The following ELL variants were observed in gnomAD, a reference collection of about 807,000 sequenced individuals.
ELL encodes RNA polymerase II elongation factor ELL.
Under a neutral mutation model 64.0 loss-of-function variants are expected in ELL, and 18 were observed. The observed-to-expected ratio is 0.28, with a 90% CI of 0.19 to 0.42. ELL has a LOEUF of 0.42. ELL is among the 10% of genes least tolerant of loss of function. The pLI is 1.00. For synonymous variants in ELL, 399 were observed against 376.2 expected (o/e 1.06, Z -0.70); for missense variants, 797 against 870.4 (o/e 0.92, Z 1.06).
At chr19:18,495,879 G>T (rs1229887578) in intron 1 of ELL, among the ~76,000 whole-genome samples, 1 of 152,244 alleles carries the variant, frequency 6.6e-6, no homozygotes, top group Non-Finnish European at 1.5e-5. Context: ...GGCCTCTTCT[G>T]ATCTTACCTT....
chr19:18,500,506 A>C (rs1339933250), intron 1 of ELL, among the ~76,000 whole-genome samples: 1 of 152,218 alleles, frequency 6.6e-6, no homozygotes, highest in Non-Finnish European at 1.5e-5. Context: ...TCCAGGCAGG[A>C]CCTGGCACAG....
At position 18,444,621 on chromosome 19, in the gene ELL, G is replaced by A; in HGVS notation, c.*131C>T. On this transcript the variant is annotated 3_prime_UTR_variant, in exon 12 of 12. Transcript: ENST00000262809. ...CACCCGCCAGGGCCAGACGTCTGCAGGGGCTGCCCTGAAAGCCGGCGGTGC... is the reference window on the plus strand; with the variant it reads ...CACCCGCCAGGGCCAGACGTCTGCAAGGGCTGCCCTGAAAGCCGGCGGTGC... 2 of 1,009,124 alleles carry A rather than the reference G, an allele frequency of 2.0e-6. No individual in the cohort carries two copies. Among genetic ancestry groups the A allele is most frequent in the Admixed American group, 5.1e-5 (2 of 39,038 alleles). The allele number at this position is 1,009,124 out of a possible 1,614,324, so 62.5% of individuals were successfully genotyped here. A position where few individuals can be genotyped will look rare whatever the true frequency, so the allele number is the denominator to read the frequency against.
rs563546343 is a variant in ELL, at chr19:18,454,840, C to CAAAAAAAAAAA, written c.870-3203_870-3193dup. 4.8e-3 allele frequency among the ~76,000 whole-genome samples: 269 copies of CAAAAAAAAAAA among 56,488 alleles called. 5 individuals are homozygous for CAAAAAAAAAAA. Among genetic ancestry groups the CAAAAAAAAAAA allele is most frequent in the African/African-American group, 0.015 (217 of 14,166 alleles). 37.1% of individuals were successfully genotyped at this position (56,488 alleles called of 152,430 possible). ...TGGGCAACAGAGTGAGACTCAGTCT[C>CAAAAAAAAAAA]AAAAAAAAAAAAAAAAAAGGCATCC... On this transcript the variant is annotated intron_variant, in intron 6 of 11. Coordinates refer to ENST00000262809, the MANE Select transcript of ELL (RefSeq NM_006532.4).
At chr19:18,457,740 T>C (rs528061579) in intron 6 of ELL, among the ~76,000 whole-genome samples, 114 of 152,338 alleles carry the variant, frequency 7.5e-4, no homozygotes, top group Non-Finnish European at 1.4e-3. Flanking sequence ...CCTGAGGGGA[T>C]GCATTTAATT....
chr19:18,473,811 G>A (rs1398713198), intron 1 of ELL, among the ~76,000 whole-genome samples: 4 of 151,548 alleles, frequency 2.6e-5, no homozygotes, highest in East Asian at 1.9e-4. Context: ...ACCCACCCCT[G>A]CACCACCTGG....
At chr19:18,488,573 C>T (rs1027866690) in intron 1 of ELL, among the ~76,000 whole-genome samples, 3 of 152,220 alleles carry the variant, frequency 2.0e-5, no homozygotes, top group Non-Finnish European at 2.9e-5. Context: ...TAGAACAGAA[C>T]ATGCTCTGCC....
At chr19:18,515,781 C>A (rs1393924682) in intron 1 of ELL, among the ~76,000 whole-genome samples, 1 of 152,202 alleles carries the variant, frequency 6.6e-6, no homozygotes, top group African/African-American at 2.4e-5. Flanking sequence ...CAGGTCAAGA[C>A]CCCTGCAACC....
chr19:18,487,486 A>G (rs1975444388), intron 1 of ELL, among the ~76,000 whole-genome samples: 1 of 152,140 alleles, frequency 6.6e-6, no homozygotes, highest in South Asian at 2.1e-4. Flanking sequence ...AAAATCCTCC[A>G]CCTTGCTGGG....
chr19:18,484,201 C>T (rs538791845), intron 1 of ELL, among the ~76,000 whole-genome samples: 1 of 152,336 alleles, frequency 6.6e-6, no homozygotes, highest in East Asian at 1.9e-4. Context: ...TGGTGGCTCA[C>T]GCCTGTAATC....
At chr19:18,452,746 T>C (rs1180429420) in intron 6 of ELL, among the ~76,000 whole-genome samples, 2 of 152,028 alleles carry the variant, frequency 1.3e-5, no homozygotes, top group East Asian at 1.9e-4. Flanking sequence ...TCCAGGCAGT[T>C]GGGAAGTTAC....
Position 18,446,449 on chromosome 19 carries a change from G to T in ELL, c.1564C>A (p.Arg522Ser). 1 of 1,612,796 alleles carries T rather than the reference G, an allele frequency of 6.2e-7. No individual in the cohort carries two copies. ...TTGAAGTCGTTCTTGTAGCTCTGGC[G>T]CTGCTCCGAAGAGGAGATGGCTGCG... ...KYAAISSSEQRQSYKNDFNAE... is the reference protein window; with the variant it reads ...KYAAISSSEQSQSYKNDFNAE... Residue 522 changes from arginine (R) to serine (S), a missense_variant, in exon 10 of 12, where the codon CGC (arginine) becomes AGC (serine). Transcript: ENST00000262809.
rs577784805 is a variant in ELL at position 18,502,343 on chromosome 19, T to C, written c.135+19578A>G. ...GCCATCATCCGTGGAGAGCACCAAC[T>C]ACGTCTTCTGAGTTGTGGGCAGGCC... On this transcript the variant is annotated intron_variant, in intron 1 of 11. Coordinates refer to ENST00000262809, the MANE Select transcript of ELL (RefSeq NM_006532.4). 4.1e-4 allele frequency among the ~76,000 whole-genome samples: 63 copies of C among 152,106 alleles called. 1 individual carries two copies. Among genetic ancestry groups the C allele is most frequent in the Admixed American group, 1.6e-3 (24 of 15,300 alleles).
At chr19:18,480,412 G>C (rs1341916032) in intron 1 of ELL, among the ~76,000 whole-genome samples, 1 of 152,216 alleles carries the variant, frequency 6.6e-6, no homozygotes, top group African/African-American at 2.4e-5. Flanking sequence ...GACGAGCTAG[G>C]GAACTTGGAC....
chr19:18,443,941 C>T lies in ELL; in HGVS notation c.*811G>A, dbSNP rs1974349472. 4.3e-6 allele frequency: 1 copy of T among 232,730 alleles called. No homozygotes were observed. Among genetic ancestry groups the T allele is most frequent in the African/African-American group, 2.2e-5 (1 of 45,430 alleles). The allele number at this position is 232,730 out of a possible 1,614,324, so 14.4% of individuals were successfully genotyped here. A position where few individuals can be genotyped will look rare whatever the true frequency, so the allele number is the denominator to read the frequency against. On this transcript the variant is annotated 3_prime_UTR_variant, in exon 12 of 12. Coordinates refer to ENST00000262809, the MANE Select transcript of ELL (RefSeq NM_006532.4). ...GCAACAAATGGGAAACCGAGGACAT[C>T]GCAAAGAAAAGTCTGACGCCGCTGC...
intron 6 of ELL, among the ~76,000 whole-genome samples, chr19:18,455,011 C>T (rs1974627861): frequency 6.9e-6 from 1 of 145,702 alleles, no homozygotes; most frequent in African/African-American, 2.6e-5. Context: ...CATGGTGGTG[C>T]ATGCCTGTAA....
intron 6 of ELL, among the ~76,000 whole-genome samples, chr19:18,457,693 T>C (rs1249812837): frequency 6.6e-6 from 1 of 152,246 alleles, no homozygotes; most frequent in Non-Finnish European, 1.5e-5. Flanking sequence ...ACTGCTCCCC[T>C]GAGCTGCTGC....
chr19:18,521,816 CCA>C (rs1976286078), intron 1 of ELL, 103 bp downstream of exon 1: 2 of 1,443,952 alleles, frequency 1.4e-6, no homozygotes, highest in Non-Finnish European at 1.8e-6. Context: ...GCGAGCAGCA[CCA>C]CAGACCTAGC....
chr19:18,506,848 G>A (rs758646435), intron 1 of ELL, among the ~76,000 whole-genome samples: 4 of 152,112 alleles, frequency 2.6e-5, no homozygotes, highest in Non-Finnish European at 4.4e-5. Context: ...ATGATCAGAG[G>A]GCCAGGGACC....
intron 4 of ELL, among the ~76,000 whole-genome samples, chr19:18,463,361 G>C (rs1298434302): frequency 2.4e-5 from 3 of 123,138 alleles, no homozygotes; most frequent in Non-Finnish European, 4.8e-5. Flanking sequence ...TTGAGACAGA[G>C]TCTCACTCTG....
Sources: allele counts gnomAD v4.1 joint callset (sites outside exome capture counted in the v4.1 genomes callset), GRCh38; gene constraint gnomAD v4.1.1; transcripts MANE v1.5; gene names NCBI Gene and HGNC (gene_info 2026-07-23, HGNC 2026-07-21).